TAF4: variants seen among roughly 807,000 people sequenced by gnomAD.
The protein encoded by TAF4 is transcription initiation factor TFIID subunit 4.
TAF4 carries 9 observed loss-of-function variants against 90.3 expected under a neutral mutation model. The ratio of observed to expected loss-of-function variants is 0.10; its 90% confidence interval spans 0.06 to 0.17. The LOEUF (loss-of-function observed/expected upper bound fraction) is 0.17. TAF4 is among the 10% of genes least tolerant of loss of function. The pLI, the probability that TAF4 is intolerant of heterozygous loss-of-function variation, is 1.00. For synonymous variants in TAF4, 818 were observed against 638.9 expected (o/e 1.28, Z -4.23); for missense variants, 1,351 against 1,370.7 (o/e 0.99, Z 0.23).
chr20:61,982,097 ACAACACAC>A (rs1271704737), intron 14 of TAF4, among the ~76,000 whole-genome samples: 2 of 129,736 alleles, frequency 1.5e-5, no homozygotes, highest in African/African-American at 2.9e-5. Context: ...CCAAACCCAC[ACAACACAC>A]ACCCACCGGA....
intron 12 of TAF4, among the ~76,000 whole-genome samples, chr20:61,998,420 T>C (rs934549308): frequency 6.6e-6 from 1 of 152,208 alleles, no homozygotes; most frequent in African/African-American, 2.4e-5. Context: ...GATACAGTCT[T>C]TGAAACACAT....
At position 62,065,512 on chromosome 20, in the gene TAF4, C is replaced by A; in HGVS notation, c.299G>T (p.Gly100Val). Residue 100 changes from glycine (G) to valine (V), a missense_variant, in exon 1 of 15, where the codon GGG becomes GTG. This residue lies in a region of TAF4 where 782 missense variants were observed against 536.6 expected (regional missense o/e 1.46). Transcript: ENST00000252996. ...PPAGRARPGG[G>V]GPQRPGPPSP... ...GGGGGGGCCCGGGCGCTGCGGCCCC[C>A]CGCCCCCCGGCCGCGCTCTACCTGC... The A allele has an allele frequency of 1.0e-6, 1 of 975,126 alleles. No homozygotes were observed. The highest frequency in any genetic ancestry group is 4.6e-5 in the South Asian group (1 of 21,764). 60.4% of individuals were successfully genotyped at this position (975,126 alleles called of 1,614,324 possible).
At chr20:62,027,084 G>A (rs978291260) in intron 1 of TAF4, among the ~76,000 whole-genome samples, 9 of 152,160 alleles carry the variant, frequency 5.9e-5, no homozygotes, top group African/African-American at 9.7e-5. Flanking sequence ...ACCAAACTCC[G>A]AGTGAGAAGT....
At chr20:62,023,834 G>A (rs2055859202) in intron 1 of TAF4, among the ~76,000 whole-genome samples, 1 of 150,656 alleles carries the variant, frequency 6.6e-6, no homozygotes, top group Non-Finnish European at 1.5e-5. Context: ...TGTAATCCCA[G>A]CACTCTGGGA....
chr20:62,064,942 G>A lies in TAF4; in HGVS notation c.869C>T (p.Pro290Leu). The A allele has an allele frequency of 3.8e-6, 2 of 532,344 alleles. No homozygotes were observed. The highest frequency in any genetic ancestry group is 4.7e-6 in the Non-Finnish European group (2 of 424,392). 33.0% of individuals were successfully genotyped at this position (532,344 alleles called of 1,614,324 possible). The change falls in exon 1 of 15, where the codon CCC becomes CTC. Residue 290 changes from proline to leucine, a missense_variant. Physicochemically the swap from Pro to Leu is moderately conservative, Grantham distance 98 (BLOSUM62 -3). Around this residue, in one of 9 missense-constraint regions of TAF4, gnomAD observed 782 missense variants for 536.6 expected, o/e 1.46. Transcript: ENST00000252996. The part of the protein sequence containing the change: ...LARPPGHPAG[P>L]PTAAPAVPPP... ...CGGCACGGCGGGCGCGGCGGTCGGG[G>A]GTCCGGCGGGGTGGCCGGGCGGCCG...
At chr20:61,984,128 G>A (rs1458202935) in intron 14 of TAF4, among the ~76,000 whole-genome samples, 3 of 152,202 alleles carry the variant, frequency 2.0e-5, no homozygotes, top group Non-Finnish European at 2.9e-5. Flanking sequence ...CCAGCAGCCG[G>A]AAGACTGAGC....
At chr20:62,045,650 G>C (rs968796387) in intron 1 of TAF4, among the ~76,000 whole-genome samples, 8 of 152,224 alleles carry the variant, frequency 5.3e-5, no homozygotes, top group Non-Finnish European at 1.0e-4. Flanking sequence ...TTAAAAGCCA[G>C]AAAACTGCCT....
intron 1 of TAF4, among the ~76,000 whole-genome samples, chr20:62,028,348 T>A (rs6142701): frequency 6.6e-6 from 1 of 152,164 alleles, no homozygotes; most frequent in Non-Finnish European, 1.5e-5. Context: ...TACTTCAGGA[T>A]ATTACAGTTG....
intron 1 of TAF4, among the ~76,000 whole-genome samples, chr20:62,046,177 T>C (rs1214588925): frequency 3.3e-5 from 5 of 152,184 alleles, no homozygotes; most frequent in Admixed American, 6.5e-5. Flanking sequence ...AACACCACGC[T>C]ACAGGCAACA....
chr20:62,002,517 G>A (rs2055712486), intron 9 of TAF4, among the ~76,000 whole-genome samples: 1 of 152,142 alleles, frequency 6.6e-6, no homozygotes, highest in Non-Finnish European at 1.5e-5. Context: ...TAGAAACAGG[G>A]CCTCACTCTG....
chr20:62,049,215 C>A (rs906869673), intron 1 of TAF4, among the ~76,000 whole-genome samples: 1 of 152,138 alleles, frequency 6.6e-6, no homozygotes, highest in Non-Finnish European at 1.5e-5. Flanking sequence ...ACTATCCCCA[C>A]CATCAGGATG....
At chr20:61,983,126 A>G (rs899634142) in intron 14 of TAF4, among the ~76,000 whole-genome samples, 7 of 152,166 alleles carry the variant, frequency 4.6e-5, no homozygotes, top group African/African-American at 1.7e-4. Flanking sequence ...CAGAGGAAGA[A>G]GCCACTAGGG....
At chr20:61,981,782 A>C (rs2055542641) in intron 14 of TAF4, among the ~76,000 whole-genome samples, 1 of 149,868 alleles carries the variant, frequency 6.7e-6, no homozygotes, top group African/African-American at 2.5e-5. Context: ...CACCAAACCC[A>C]CACCCACCCG....
rs368501280 is a variant in TAF4, at chr20:62,014,613, C to T, written c.1455G>A (p.Gln485=). ...TGGCAGGGCGAGGCGCCATGGTGGTCTGAGGCTGGGCATGGGCCTGCGCCT... is the reference window on the plus strand; with the variant it reads ...TGGCAGGGCGAGGCGCCATGGTGGTTTGAGGCTGGGCATGGGCCTGCGCCT... ...QMQAQAHAQP[Q]TTMAPRPATP... Residue 485 remains glutamine (Q), a synonymous_variant, in exon 2 of 15, where the codon CAG becomes CAA. Coordinates refer to ENST00000252996, the MANE Select transcript of TAF4 (RefSeq NM_003185.4). 1 of 1,613,984 alleles carries T rather than the reference C, an allele frequency of 6.2e-7. No individual in the cohort carries two copies. Among genetic ancestry groups the T allele is most frequent in the Non-Finnish European group, 8.5e-7 (1 of 1,180,016 alleles).
At chr20:62,052,351 G>A (rs1031237810) in intron 1 of TAF4, among the ~76,000 whole-genome samples, 6 of 151,946 alleles carry the variant, frequency 3.9e-5, no homozygotes, top group African/African-American at 1.2e-4. Context: ...ATACAAACAG[G>A]AAAAAACAAA....
Position 62,064,652 on chromosome 20 carries a change from C to A in TAF4, c.1159G>T (p.Ala387Ser). The A allele has an allele frequency of 7.6e-7, 1 of 1,313,456 alleles. No homozygotes were observed. Among genetic ancestry groups the A allele is most frequent in the Non-Finnish European group, 9.6e-7 (1 of 1,038,816 alleles). The allele number at this position is 1,313,456 out of a possible 1,614,324, so 81.4% of individuals were successfully genotyped here. Residue 387 changes from alanine (A) to serine (S), a missense_variant, in exon 1 of 15, where the codon GCC (alanine) becomes TCC (serine). Ala to Ser is a moderately conservative substitution (Grantham distance 99, BLOSUM62 1). This residue lies in a region of TAF4 where 782 missense variants were observed against 536.6 expected (regional missense o/e 1.46). Transcript: ENST00000252996. Reference protein sequence around the residue: ...PTMQGALPSPAAVPPPAPGTP... With the variant: ...PTMQGALPSPSAVPPPAPGTP... ...CCGGGGGCGGGCGGCGGGACGGCGG[C>A]CGGGCTGGGCAGCGCCCCTTGCATA... is the stretch of plus-strand genomic sequence containing the variant.
intron 1 of TAF4, among the ~76,000 whole-genome samples, chr20:62,020,286 G>A (rs548238948): frequency 3.3e-5 from 5 of 152,260 alleles, no homozygotes; most frequent in Admixed American, 3.3e-4. Flanking sequence ...CGGTGGGGGG[G>A]CTCTTTCTGG....
At chr20:62,022,228 TGTCA>T (rs907341254) in intron 1 of TAF4, among the ~76,000 whole-genome samples, 22 of 152,318 alleles carry the variant, frequency 1.4e-4, no homozygotes, top group African/African-American at 4.8e-4. Flanking sequence ...ACAGCTGTGC[TGTCA>T]GTCAGCTGCC....
chr20:62,064,729 AGGGTCTGCGCCGCCG>A lies in TAF4; in HGVS notation c.1067_1081del (p.Pro356_Thr360del), dbSNP rs753428114. 1.3e-4 allele frequency: 162 copies of A among 1,215,492 alleles called. 1 individual carries two copies. The highest frequency in any genetic ancestry group is 3.4e-4 in the Admixed American group (8 of 23,818). 75.3% of individuals were successfully genotyped at this position (1,215,492 alleles called of 1,614,324 possible). A position where few individuals can be genotyped will look rare whatever the true frequency, so the allele number is the denominator to read the frequency against. On this transcript the variant is annotated inframe_deletion, in exon 1 of 15. Transcript: ENST00000252996. ...CGTGCTGGCCGGGCCGCTGGCCGCCAGGGTCTGCGCCGCCGGGGGCGCCGCCTGCACCACCCTCTT... is the reference window on the plus strand; with the variant it reads ...CGTGCTGGCCGGGCCGCTGGCCGCCAGGGGCGCCGCCTGCACCACCCTCTT...
Sources: gnomAD v4.1 joint callset for allele counts (sites outside exome capture counted in the v4.1 genomes callset) on GRCh38, gnomAD v4.1.1 for gene constraint, gnomAD v4.1.1 regional missense constraint, MANE v1.5 for transcripts, NCBI Gene and HGNC (gene_info 2026-07-23, HGNC 2026-07-21) for gene names.